The following GRK3 variants were observed in gnomAD, a reference collection of about 807,000 sequenced individuals.
GRK3 encodes adrenergic, beta, receptor kinase 2.
Under a neutral mutation model 95.7 loss-of-function variants are expected in GRK3, and 54 were observed. The observed-to-expected ratio is 0.56, with a 90% confidence interval of 0.45 to 0.71. GRK3 has a LOEUF of 0.71. Among genes scored for constraint, GRK3 ranks in the 30% least tolerant of loss-of-function variants. The pLI is 0.00. For missense variants in GRK3, 649 were observed against 851.2 expected, an observed-to-expected ratio of 0.76 and a Z score of 2.96; for synonymous variants, 281 against 290.8, an observed-to-expected ratio of 0.97 and a Z score of 0.34.
intron 12 of GRK3, among the ~76,000 whole-genome samples, chr22:25,692,196 G>A (rs1490826789): frequency 3.3e-5 from 5 of 152,026 alleles, no homozygotes; most frequent in African/African-American, 4.8e-5. Flanking sequence ...TCTAACTCCC[G>A]GACTCAAGCA....
rs145498679 is a variant in GRK3, at chr22:25,609,027, A to T, written c.190+4574A>T. ...TAGAAATTTTATCTTAAGAAATATT[A>T]AGTTGATCCCTAACTTGCTGCCAGT... On this transcript the variant is annotated intron_variant, in intron 2 of 20. Coordinates refer to ENST00000324198, the MANE Select transcript of GRK3 (RefSeq NM_005160.4). Among the ~76,000 whole-genome samples the T allele has an allele frequency of 7.0e-3, 1,070 of 152,334 alleles. 14 individuals carry two copies. The highest frequency in any genetic ancestry group is 0.024 in the African/African-American group (1,013 of 41,578).
At chr22:25,595,669 A>C (rs2084367614) in intron 1 of GRK3, among the ~76,000 whole-genome samples, 2 of 152,192 alleles carry the variant, frequency 1.3e-5, no homozygotes, top group Admixed American at 6.5e-5. Flanking sequence ...AAAAATTGCC[A>C]GGCATGGTGG....
intron 2 of GRK3, among the ~76,000 whole-genome samples, chr22:25,609,752 G>A (rs186792228): frequency 1.4e-3 from 210 of 151,830 alleles, no homozygotes; most frequent in African/African-American, 4.8e-3. Context: ...ACTGGCTTCA[G>A]AACTCAATCC....
intron 12 of GRK3, among the ~76,000 whole-genome samples, chr22:25,692,635 T>C (rs7285470): frequency 0.05 from 7,580 of 152,268 alleles, 326 homozygotes; most frequent in African/African-American, 0.11. Flanking sequence ...ATCCAGCTGT[T>C]CCAGGCTTGC....
At position 25,689,059 on chromosome 22, in the gene GRK3, G is replaced by T. The variant is rs1336858400; in HGVS notation, c.958-1130G>T. Among the ~76,000 whole-genome samples, 9 of 150,148 alleles carry T rather than the reference G, an allele frequency of 6.0e-5. No homozygotes were observed. The East Asian group carries it at 1.6e-3, about 26-fold the overall frequency. ...TACTTTCTAAGATATTATAAAAATT[G>T]TATTTTATTTCCAAGAATTTTTTTT... On this transcript the variant is annotated intron_variant, in intron 11 of 20. Coordinates refer to ENST00000324198, the MANE Select transcript of GRK3 (RefSeq NM_005160.4).
At chr22:25,610,256 C>T (rs1323681639) in intron 2 of GRK3, among the ~76,000 whole-genome samples, 3 of 152,102 alleles carry the variant, frequency 2.0e-5, no homozygotes, top group African/African-American at 7.2e-5. Flanking sequence ...TGAGGCCAGA[C>T]GTTTGAGACC....
intron 12 of GRK3, among the ~76,000 whole-genome samples, chr22:25,692,797 G>C (rs1213015223): frequency 6.6e-6 from 1 of 152,252 alleles, no homozygotes; most frequent in Non-Finnish European, 1.5e-5. Context: ...AGTTCTGTCT[G>C]ATTCCAAAGC....
intron 3 of GRK3, among the ~76,000 whole-genome samples, chr22:25,645,250 G>A (rs1008146265): frequency 6.6e-5 from 10 of 152,190 alleles, no homozygotes; most frequent in Non-Finnish European, 1.2e-4. Flanking sequence ...ACCTGCTGGA[G>A]TCTGGAGTCT....
intron 2 of GRK3, among the ~76,000 whole-genome samples, chr22:25,638,388 C>G (rs1249861837): frequency 6.6e-6 from 1 of 152,192 alleles, no homozygotes; most frequent in Non-Finnish European, 1.5e-5. Flanking sequence ...TACACACACA[C>G]AATAAGGGGG....
chr22:25,629,115 AT>A (rs1279755103), intron 2 of GRK3, among the ~76,000 whole-genome samples: 1 of 152,216 alleles, frequency 6.6e-6, no homozygotes, highest in Non-Finnish European at 1.5e-5. Flanking sequence ...TGCTCTGAAA[AT>A]GGTAAGAACC....
intron 12 of GRK3, among the ~76,000 whole-genome samples, chr22:25,691,022 G>T (rs1195343752): frequency 6.6e-6 from 1 of 152,112 alleles, no homozygotes; most frequent in Non-Finnish European, 1.5e-5. Flanking sequence ...CTGACCTGAG[G>T]ACTTCTCTCT....
chr22:25,720,740 G>A (rs1291067888), intron 19 of GRK3, among the ~76,000 whole-genome samples: 1 of 152,076 alleles, frequency 6.6e-6, no homozygotes, highest in African/African-American at 2.4e-5. Context: ...CTCCCAAAGT[G>A]CTGGGATTAC....
chr22:25,574,377 A>G (rs1217232117), intron 1 of GRK3, among the ~76,000 whole-genome samples: 1 of 151,906 alleles, frequency 6.6e-6, no homozygotes, highest in Non-Finnish European at 1.5e-5. Context: ...TCCCAACTCC[A>G]GCTACTCAGG....
At chr22:25,587,899 C>G (rs1456640831) in intron 1 of GRK3, among the ~76,000 whole-genome samples, 3 of 152,226 alleles carry the variant, frequency 2.0e-5, no homozygotes, top group Non-Finnish European at 2.9e-5. Context: ...CCACATGGAA[C>G]TATAAGTCCA....
intron 2 of GRK3, among the ~76,000 whole-genome samples, chr22:25,607,851 G>A (rs963658478): frequency 6.6e-6 from 1 of 152,038 alleles, no homozygotes; most frequent in Non-Finnish European, 1.5e-5. Context: ...AAAGTGCTAG[G>A]ATTACAAGCG....
intron 2 of GRK3, among the ~76,000 whole-genome samples, chr22:25,642,160 C>T (rs779739804): frequency 1.3e-5 from 2 of 152,288 alleles, no homozygotes; most frequent in East Asian, 1.9e-4. Context: ...GATGGCCGCG[C>T]GGTGGCTCAC....
intron 3 of GRK3, among the ~76,000 whole-genome samples, chr22:25,661,252 A>C (rs1194462440): frequency 6.6e-6 from 1 of 152,222 alleles, no homozygotes; most frequent in African/African-American, 2.4e-5. Context: ...GAAGAGGAGA[A>C]TTGGCAAGGA....
chr22:25,725,660 G>A lies in GRK3; in HGVS notation c.*3210G>A. 2.5e-6 allele frequency: 1 copy of A among 398,520 alleles called. No individual in the cohort carries two copies. The highest frequency in any genetic ancestry group is 3.6e-5 in the East Asian group (1 of 28,062). The allele number at this position is 398,520 out of a possible 1,614,324, so 24.7% of individuals were successfully genotyped here. ...TTCAGGTCCTATGTTTAAAAAGAAG[G>A]GGCTGGCCGGGCACGATGGCTCACG... is the stretch of plus-strand genomic sequence containing the variant. On this transcript the variant is annotated 3_prime_UTR_variant, in exon 21 of 21. Transcript: ENST00000324198.
At position 25,719,012 on chromosome 22, in the gene GRK3, T is replaced by G. The variant is rs368979712; in HGVS notation, c.1791+631T>G. On this transcript the variant is annotated intron_variant, in intron 19 of 20. Transcript: ENST00000324198. ...GAGTATACAGGAGGATGTGTGAAGG[T>G]TATATGCAAATACGATACCATTTTA... Among the ~76,000 whole-genome samples, 19 of 152,124 alleles carry G rather than the reference T, an allele frequency of 1.2e-4. 1 individual carries two copies. In the East Asian group the frequency reaches 1.7e-3, roughly 14 times the overall value.
Sources: gnomAD v4.1 joint callset for allele counts (sites outside exome capture counted in the v4.1 genomes callset) on GRCh38, gnomAD v4.1.1 for gene constraint, MANE v1.5 for transcripts, NCBI Gene and HGNC (gene_info 2026-07-23, HGNC 2026-07-21) for gene names.